Variants in ZHX1 observed in about 807,000 individuals in gnomAD.
ZHX1 encodes zinc fingers and homeoboxes protein 1.
ZHX1 carries 20 observed loss-of-function variants against 61.8 expected under a neutral mutation model. That is an observed-to-expected ratio of 0.32 (90% confidence interval 0.23 to 0.47). The LOEUF (loss-of-function observed/expected upper bound fraction) is 0.47, where lower values mean the gene tolerates loss of function less well. Among genes scored for constraint, ZHX1 ranks in the 20% least tolerant of loss-of-function variants. The pLI is 1.00. For missense variants in ZHX1, 800 were observed against 1,034.8 expected, an observed-to-expected ratio of 0.77 and a Z score of 3.11; for synonymous variants, 318 against 352.6, an observed-to-expected ratio of 0.90 and a Z score of 1.10.
At chr8:123,260,882 C>G (rs1174614331) in intron 2 of ZHX1, among the ~76,000 whole-genome samples, 1 of 151,410 alleles carries the variant, frequency 6.6e-6, no homozygotes, top group African/African-American at 2.4e-5. Flanking sequence ...ATTAGCTGGG[C>G]ATGGTGGTGG....
chr8:123,259,320 CA>C (rs1233999775), intron 2 of ZHX1, among the ~76,000 whole-genome samples: 13 of 151,934 alleles, frequency 8.6e-5, no homozygotes, highest in African/African-American at 3.1e-4. Flanking sequence ...CTGATATTTA[CA>C]ACTATTTCTT....
chr8:123,260,035 G>A (rs1463589410), intron 2 of ZHX1, among the ~76,000 whole-genome samples: 2 of 152,114 alleles, frequency 1.3e-5, no homozygotes, highest in East Asian at 3.9e-4. Context: ...GCGAGCGCCT[G>A]TAATCCCAGC....
intron 3 of ZHX1, 44 bp downstream of exon 3, chr8:123,253,278 T>C (rs2131187797): frequency 6.9e-7 from 1 of 1,443,742 alleles, no homozygotes; most frequent in Non-Finnish European, 9.3e-7. Context: ...AAAATGTATG[T>C]GGTTGATGAA....
At chr8:123,260,601 A>AAC (rs1563812151) in intron 2 of ZHX1, among the ~76,000 whole-genome samples, 2 of 151,864 alleles carry the variant, frequency 1.3e-5, no homozygotes, top group African/African-American at 4.8e-5. Context: ...CCATCTCAAA[A>AAC]AAAAAACAAA....
In ZHX1 at chr8:123,254,910, T is replaced by C; in HGVS notation, c.1037A>G (p.Glu346Gly). The C allele has an allele frequency of 1.2e-6, 2 of 1,614,230 alleles. No individual in the cohort carries two copies. Among genetic ancestry groups the C allele is most frequent in the Non-Finnish European group, 1.7e-6 (2 of 1,180,034 alleles). ...TTTCCTTCTTGCCTCCTCTACTTCC[T>C]CGGGAGTCCAACTAACACCATGTTT... The part of the protein sequence containing the change: ...RLKHGVSWTP[E>G]EVEEARRKQF... Residue 346 changes from glutamate to glycine, a missense_variant, in exon 3 of 4, where the codon GAG becomes GGG. By Grantham distance (98) the Glu-to-Gly change is moderately conservative (BLOSUM62 -2). Transcript: ENST00000395571. This position sits in a 1 kb window ranked among gnomAD's most constrained non-coding sequence, Gnocchi z 4.1.
chr8:123,251,205 A>T (rs948909717), intron 3 of ZHX1, among the ~76,000 whole-genome samples: 1 of 151,936 alleles, frequency 6.6e-6, no homozygotes, highest in African/African-American at 2.4e-5. Flanking sequence ...TCATGGTGAG[A>T]TGTGCTTGCT....
chr8:123,272,955 C>T (rs1223454634), intron 1 of ZHX1, among the ~76,000 whole-genome samples: 1 of 151,786 alleles, frequency 6.6e-6, no homozygotes, highest in Non-Finnish European at 1.5e-5. Flanking sequence ...ATTTTTCTCT[C>T]AAATATTAGC....
At position 123,267,360 on chromosome 8, in the gene ZHX1, A is replaced by G; in HGVS notation, c.-313T>C. 2.2e-6 allele frequency: 3 copies of G among 1,344,362 alleles called. No individual in the cohort carries two copies. The highest frequency in any genetic ancestry group is 1.4e-5 in the South Asian group (1 of 71,340). The allele number at this position is 1,344,362 out of a possible 1,614,324, so 83.3% of individuals were successfully genotyped here. A position where few individuals can be genotyped will look rare whatever the true frequency, so the allele number is the denominator to read the frequency against. On this transcript the variant is annotated 5_prime_UTR_variant, in exon 2 of 4. Transcript: ENST00000395571. ...TTTAGCTCAGGCCATCATTACCAAC[A>G]GGTCCAAAGCAGCAGTCTGTCTTCT... is the stretch of plus-strand genomic sequence containing the variant.
At chr8:123,274,749 T>G (rs1421502888), upstream of ZHX1, among the ~76,000 whole-genome samples, 3 of 151,996 alleles carry the variant, frequency 2.0e-5, no homozygotes, top group African/African-American at 7.3e-5. Context: ...TGAAGCCTGG[T>G]CTTCTCTCGG....
chr8:123,259,096 C>T (rs2131200453), intron 2 of ZHX1, among the ~76,000 whole-genome samples: 1 of 152,304 alleles, frequency 6.6e-6, no homozygotes, highest in Admixed American at 6.5e-5. Flanking sequence ...TAAAATCCTC[C>T]TCACTGGAAT....
chr8:123,255,764 C>A lies in ZHX1; in HGVS notation c.183G>T (p.Gln61His), dbSNP rs1406559572. 6.2e-7 allele frequency: 1 copy of A among 1,613,822 alleles called. No homozygotes were observed. Among genetic ancestry groups the A allele is most frequent in the Admixed American group, 1.7e-5 (1 of 59,984 alleles). ...ATCCACCTTCAACTTTTTTATTTTGCTGATTGTCTGAATCCACAGATTCAT... is the reference window on the plus strand; with the variant it reads ...ATCCACCTTCAACTTTTTTATTTTGATGATTGTCTGAATCCACAGATTCAT... ...EVHESVDSDN[Q>H]QNKKVEGGYE... is the part of the protein sequence containing the mutation. The change falls in exon 3 of 4, where the codon CAG (glutamine) becomes CAT (histidine). Residue 61 changes from glutamine to histidine, a missense_variant. Coordinates refer to ENST00000395571, the MANE Select transcript of ZHX1 (RefSeq NM_007222.5).
chr8:123,250,117 T>G lies in ZHX1; in HGVS notation c.*207A>C, dbSNP rs1340707323. 1 of 380,364 alleles carries G rather than the reference T, an allele frequency of 2.6e-6. No homozygotes were observed. Among genetic ancestry groups the G allele is most frequent in the Admixed American group, 3.7e-5 (1 of 27,030 alleles). 23.6% of individuals were successfully genotyped at this position (380,364 alleles called of 1,614,324 possible). On this transcript the variant is annotated 3_prime_UTR_variant, in exon 4 of 4. Transcript: ENST00000395571. ...TTTACAAGTTGTTTTTTAATTAGTGTTCTATTTACATTGCAGAACTTCCAC... is the reference window on the plus strand; with the variant it reads ...TTTACAAGTTGTTTTTTAATTAGTGGTCTATTTACATTGCAGAACTTCCAC...
In ZHX1 at chr8:123,254,834, A is replaced by G. The variant is rs768783674; in HGVS notation, c.1113T>C (p.Pro371=). 1.2e-6 allele frequency: 2 copies of G among 1,614,220 alleles called. No homozygotes were observed. Among genetic ancestry groups the G allele is most frequent in the African/African-American group, 1.3e-5 (1 of 75,066 alleles). ...HTVPQTITVI[P]THISTGSNGL... ...CATTACTCCCTGTGGAAATGTGTGTAGGAATAACAGTTATGGTCTGAGGTA... is the reference window on the plus strand; with the variant it reads ...CATTACTCCCTGTGGAAATGTGTGTGGGAATAACAGTTATGGTCTGAGGTA... Residue 371 remains proline, a synonymous_variant, in exon 3 of 4, where the codon CCT becomes CCC. Coordinates refer to ENST00000395571, the MANE Select transcript of ZHX1 (RefSeq NM_007222.5). The surrounding 1 kb of genome is among the most constrained non-coding windows in gnomAD (Gnocchi z 4.1).
At chr8:123,256,575 C>A (rs1325012129) in intron 2 of ZHX1, among the ~76,000 whole-genome samples, 1 of 152,016 alleles carries the variant, frequency 6.6e-6, no homozygotes, top group East Asian at 1.9e-4. Flanking sequence ...TTCAGCCTGG[C>A]CAACATGGTG....
Position 123,254,332 on chromosome 8 carries a change from T to A in ZHX1, c.1615A>T (p.Ile539Phe), listed in dbSNP as rs1826005923. 6.2e-7 allele frequency: 1 copy of A among 1,614,026 alleles called. No homozygotes were observed. The highest frequency in any genetic ancestry group is 8.5e-7 in the Non-Finnish European group (1 of 1,180,010). Reference sequence around the variant, plus strand: ...GTGGTTTCATCACTGGAGTCTATAATAATGGTGGTAGAGGAATCATTGTTG... The same window carrying A: ...GTGGTTTCATCACTGGAGTCTATAAAAATGGTGGTAGAGGAATCATTGTTG... ...HLNNDSSTTIIIDSSDETTES... is the reference protein window; with the variant it reads ...HLNNDSSTTIFIDSSDETTES... The change falls in exon 3 of 4, where the codon ATT becomes TTT. Residue 539 changes from isoleucine (I) to phenylalanine (F), a missense_variant. Physicochemically the swap from Ile to Phe is conservative, Grantham distance 21. Transcript: ENST00000395571. The surrounding 1 kb of genome is among the most constrained non-coding windows in gnomAD (Gnocchi z 4.1).
upstream of ZHX1, chr8:123,274,416 C>T (rs1747266074): frequency 6.6e-6 from 1 of 152,126 alleles, no homozygotes; most frequent in Non-Finnish European, 1.5e-5. Flanking sequence ...AGGCGCGCGC[C>T]CCAGCGGCCG....
chr8:123,263,491 C>T lies in ZHX1; in HGVS notation c.-226+3782G>A, dbSNP rs139599040. Among the ~76,000 whole-genome samples the T allele has an allele frequency of 2.0e-5, 3 of 151,984 alleles. No homozygotes were observed. The East Asian group carries it at 5.8e-4, about 29-fold the overall frequency. Reference sequence around the variant, plus strand: ...ATCTACTTAGCTATCCACTATATTCCCAGGGCCCAACAAAATACTTATTAG... The same window carrying T: ...ATCTACTTAGCTATCCACTATATTCTCAGGGCCCAACAAAATACTTATTAG... On this transcript the variant is annotated intron_variant, in intron 2 of 3. Coordinates refer to ENST00000395571, the MANE Select transcript of ZHX1 (RefSeq NM_007222.5).
In ZHX1 at chr8:123,255,923, T is replaced by C. The variant is rs1433770559; in HGVS notation, c.24A>G (p.Thr8=). 4.4e-6 allele frequency: 7 copies of C among 1,605,668 alleles called. No individual in the cohort carries two copies. In the African/African-American group the frequency reaches 9.4e-5, roughly 22 times the overall value. ...CACTGGCAAGGACCATGCAAGGTGT[T>C]GTTGATTTTCGCCTGCTTGCCATTC... MASRRKS[T]TPCMVLASEQ... The change falls in exon 3 of 4, where the codon ACA becomes ACG. Residue 8 remains threonine, a synonymous_variant. Transcript: ENST00000395571.
At chr8:123,263,495 G>A (rs1181777734) in intron 2 of ZHX1, among the ~76,000 whole-genome samples, 1 of 151,600 alleles carries the variant, frequency 6.6e-6, no homozygotes, top group Non-Finnish European at 1.5e-5. Flanking sequence ...ATATTCCCAG[G>A]GCCCAACAAA....
Sources: gnomAD v4.1 joint callset for allele counts (sites outside exome capture counted in the v4.1 genomes callset) on GRCh38, gnomAD v4.1.1 for gene constraint, Gnocchi (gnomAD v3.1) non-coding constraint, MANE v1.5 for transcripts, NCBI Gene and HGNC (gene_info 2026-07-23, HGNC 2026-07-21) for gene names.